MPP4: variants seen among roughly 807,000 people sequenced by gnomAD.
The protein encoded by MPP4 is MAGUK p55 scaffold protein 4, also known as MAGUK p55 subfamily member 4.
A neutral mutation model predicts 98.3 loss-of-function variants in MPP4; 91 were observed. The ratio of observed to expected loss-of-function variants is 0.93; its 90% CI spans 0.78 to 1.10. The LOEUF is 1.10. Ranked by LOEUF, MPP4 falls within the 50% of genes least tolerant of loss-of-function variation. The pLI is 0.00. For synonymous variants in MPP4, 261 were observed against 271.8 expected, an observed-to-expected ratio of 0.96 and a Z score of 0.39; for missense variants, 744 against 792.9, an observed-to-expected ratio of 0.94 and a Z score of 0.74.
In MPP4 at chr2:201,678,290, T is replaced by G. The variant is rs146818118; in HGVS notation, c.929+2548A>C. The stretch of plus-strand genomic sequence containing the variant: ...CTCATTAGGCCTTTATCCCTGTTCA[T>G]GTCCTTCAGCCCCCAAGCTCAGGTC... On this transcript the variant is annotated intron_variant, in intron 10 of 21. Transcript: ENST00000409474. Among the ~76,000 whole-genome samples, 116 of 152,232 alleles carry G rather than the reference T, an allele frequency of 7.6e-4. 1 individual carries two copies. The East Asian group carries it at 0.021, about 28-fold the overall frequency.
At position 201,669,733 on chromosome 2, in the gene MPP4, CT is replaced by C; in HGVS notation, c.1011del (p.Glu338LysfsTer4). 1 of 1,444,178 alleles carries C rather than the reference CT, an allele frequency of 6.9e-7. No homozygotes were observed. The highest frequency in any genetic ancestry group is 9.2e-7 in the Non-Finnish European group (1 of 1,085,742). 89.5% of individuals were successfully genotyped at this position (1,444,178 alleles called of 1,614,324 possible). A position where few individuals can be genotyped will look rare whatever the true frequency, so the allele number is the denominator to read the frequency against. On this transcript the variant is annotated frameshift_variant and splice_region_variant, in exon 12 of 22. Coordinates refer to ENST00000409474, the MANE Select transcript of MPP4 (RefSeq NM_033066.3). LOFTEE classifies it high-confidence loss of function. ...LKSTLSISME[E>X]EDDMKIDEKC... ...TTTTTTCCTAAATACTATTTCTTAC[CT>C]TCTTCCATAGAAATTGCTGAGTACA...
chr2:201,648,500 A>G (rs1313527190), intron 20 of MPP4, among the ~76,000 whole-genome samples: 1 of 152,216 alleles, frequency 6.6e-6, no homozygotes, highest in African/African-American at 2.4e-5. Context: ...AATCAAAATT[A>G]AGGTCAGATC....
At chr2:201,670,976 A>C (rs904648360) in intron 11 of MPP4, among the ~76,000 whole-genome samples, 1 of 152,214 alleles carries the variant, frequency 6.6e-6, no homozygotes, top group Non-Finnish European at 1.5e-5. Flanking sequence ...TCCCTCCCCT[A>C]GCCAAGGAAA....
intron 11 of MPP4, among the ~76,000 whole-genome samples, chr2:201,674,668 A>C (rs2105932376): frequency 1.3e-5 from 2 of 152,318 alleles, no homozygotes; most frequent in East Asian, 3.9e-4. Flanking sequence ...AAATGATAAC[A>C]GTCCTTCCCC....
At chr2:201,671,043 T>C (rs780635125) in intron 11 of MPP4, among the ~76,000 whole-genome samples, 4 of 152,184 alleles carry the variant, frequency 2.6e-5, no homozygotes, top group Non-Finnish European at 5.9e-5. Flanking sequence ...ATTACCCTTT[T>C]CCCATGTTCT....
chr2:201,694,608 C>CTTTTTTTTTTTTTT lies in MPP4; in HGVS notation c.-100-568_-100-555dup, dbSNP rs777556505. Among the ~76,000 whole-genome samples the CTTTTTTTTTTTTTT allele has an allele frequency of 3.0e-4, 24 of 78,870 alleles. 1 individual carries two copies. The highest frequency in any genetic ancestry group is 1.1e-3 in the African/African-American group (21 of 19,086). 51.7% of individuals were successfully genotyped at this position (78,870 alleles called of 152,430 possible). A position where few individuals can be genotyped will look rare whatever the true frequency, so the allele number is the denominator to read the frequency against. On this transcript the variant is annotated intron_variant, in intron 1 of 21. Coordinates refer to ENST00000409474, the MANE Select transcript of MPP4 (RefSeq NM_033066.3). Reference sequence around the variant, plus strand: ...AGAGTCTGGACAGTTTTCTTTTTCCCTTTTTTTTTTTTTTTTTTTTTTTTT... The same window carrying CTTTTTTTTTTTTTT: ...AGAGTCTGGACAGTTTTCTTTTTCCCTTTTTTTTTTTTTTTTTTTTTTTTTTTTTTTTTTTTTTT...
chr2:201,647,757 C>T lies in MPP4; in HGVS notation c.1653G>A (p.Arg551=), dbSNP rs765571562. 22 of 1,613,924 alleles carry T rather than the reference C, an allele frequency of 1.4e-5. No homozygotes were observed. The East Asian group carries it at 4.9e-4, about 36-fold the overall frequency. Residue 551 remains arginine, a synonymous_variant, in exon 21 of 22, where the codon AGG becomes AGA. Transcript: ENST00000409474. ...YVIFIKPSNM[R]CMKQSRKNAK... is the part of the protein sequence containing the mutation. ...CATTTTTCCGAGATTGTTTCATACA[C>T]CTCATATTCGATGGCTTTATAAATA...
At chr2:201,675,327 A>C (rs1688480236) in intron 10 of MPP4, 56 bp from the exon 11 acceptor site, 1 of 1,527,258 alleles carries the variant, frequency 6.5e-7, no homozygotes, top group Non-Finnish European at 8.9e-7. Context: ...CTCTTTGTTA[A>C]CCTAGATGAA....
At chr2:201,660,914 C>T (rs1241819123) in intron 14 of MPP4, among the ~76,000 whole-genome samples, 1 of 152,006 alleles carries the variant, frequency 6.6e-6, no homozygotes, top group Admixed American at 6.6e-5. Context: ...CACAAAATAG[C>T]CATATTCTGT....
chr2:201,674,026 T>C (rs1688426174), intron 11 of MPP4, among the ~76,000 whole-genome samples: 1 of 152,196 alleles, frequency 6.6e-6, no homozygotes, highest in Non-Finnish European at 1.5e-5. Flanking sequence ...CATGGAGCCT[T>C]TACTCACCAC....
intron 18 of MPP4, chr2:201,651,740 G>C (rs1687717700): frequency 1.4e-6 from 1 of 702,156 alleles, no homozygotes; most frequent in Admixed American, 6.3e-5. Flanking sequence ...GATCACCTGG[G>C]GTCAGGAGTA....
At chr2:201,665,796 G>C (rs974424443) in intron 13 of MPP4, 1 of 152,074 alleles carries the variant, frequency 6.6e-6, no homozygotes, top group Non-Finnish European at 1.5e-5. Flanking sequence ...CAAAATCCTA[G>C]TGATTCTTAA....
intron 7 of MPP4, 86 bp from the exon 8 acceptor site, chr2:201,683,002 AC>A (rs1688707244): frequency 2.1e-6 from 2 of 971,204 alleles, no homozygotes; most frequent in South Asian, 2.7e-5. Context: ...TATTTAACTC[AC>A]TAACCCAAGC....
chr2:201,698,370 C>T (rs1689252579), intron 1 of MPP4, among the ~76,000 whole-genome samples: 1 of 152,176 alleles, frequency 6.6e-6, no homozygotes. Flanking sequence ...ATCTTCCTGA[C>T]AACTCATTAT....
At chr2:201,660,809 C>T (rs1022430736) in intron 14 of MPP4, among the ~76,000 whole-genome samples, 11 of 152,128 alleles carry the variant, frequency 7.2e-5, no homozygotes, top group African/African-American at 2.7e-4. Context: ...CATTCCTTCC[C>T]CTTCCTGGGT....
At chr2:201,690,524 T>C (rs1688982419) in intron 3 of MPP4, among the ~76,000 whole-genome samples, 1 of 152,182 alleles carries the variant, frequency 6.6e-6, no homozygotes, top group African/African-American at 2.4e-5. Flanking sequence ...TCTCCAAGCA[T>C]TTCAGTAATA....
intron 18 of MPP4, chr2:201,652,040 C>G: frequency 1.0e-6 from 1 of 975,316 alleles, no homozygotes; most frequent in Non-Finnish European, 1.2e-6. Flanking sequence ...GATTAATGCA[C>G]ATTCCTGTAC....
intron 18 of MPP4, among the ~76,000 whole-genome samples, chr2:201,654,484 T>C (rs955326595): frequency 8.0e-5 from 12 of 150,050 alleles, no homozygotes; most frequent in African/African-American, 2.9e-4. Flanking sequence ...GTAGGGGGAG[T>C]GGGGAGGGAT....
intron 18 of MPP4, chr2:201,650,954 T>A: frequency 1.0e-6 from 1 of 985,370 alleles, no homozygotes; most frequent in Non-Finnish European, 1.2e-6. Context: ...TTATTTGTTG[T>A]CTGCTCATTC....
Sources: gnomAD v4.1 joint callset for allele counts (sites outside exome capture counted in the v4.1 genomes callset) on GRCh38, gnomAD v4.1.1 for gene constraint, MANE v1.5 for transcripts, NCBI Gene and HGNC (gene_info 2026-07-23, HGNC 2026-07-21) for gene names.